The following KAZN variants were observed in gnomAD, a reference collection of about 807,000 sequenced individuals.
KAZN encodes kazrin, periplakin interacting protein.
KAZN carries 40 observed loss-of-function variants against 87.4 expected under a neutral mutation model. That is an observed-to-expected ratio of 0.46 (90% CI 0.36 to 0.60). The LOEUF (loss-of-function observed/expected upper bound fraction) is 0.60, where lower values mean the gene tolerates loss of function less well. Among genes scored for constraint, KAZN ranks in the 20% least tolerant of loss-of-function variants. The probability of loss-of-function intolerance (pLI) is 0.00; values close to 1 mark genes in which losing one functional copy is unlikely to be tolerated. For synonymous variants in KAZN, 466 were observed against 458.3 expected, an observed-to-expected ratio of 1.02 and a Z score of -0.22; for missense variants, 898 against 1,073.9, an observed-to-expected ratio of 0.84 and a Z score of 2.29.
intron 1 of KAZN, among the ~76,000 whole-genome samples, chr1:14,658,556 A>G (rs145614848): frequency 0.01 from 1,556 of 152,296 alleles, 26 homozygotes; most frequent in East Asian, 0.042. Flanking sequence ...TAACCTTTCT[A>G]CATCAAAGTC....
At chr1:14,103,461 C>T (rs1323509240) in intron 1 of KAZN, among the ~76,000 whole-genome samples, 1 of 152,194 alleles carries the variant, frequency 6.6e-6, no homozygotes, top group Non-Finnish European at 1.5e-5. Context: ...TATTATCTTA[C>T]ATTTCTGTAG....
chr1:14,434,288 T>C (rs1666252957), intron 2 of KAZN, among the ~76,000 whole-genome samples: 1 of 152,168 alleles, frequency 6.6e-6, no homozygotes, highest in Admixed American at 6.5e-5. Context: ...CTCCCTTCTC[T>C]CATGCTGCCA....
intron 1 of KAZN, among the ~76,000 whole-genome samples, chr1:13,905,345 A>G: frequency 6.6e-6 from 1 of 152,196 alleles, no homozygotes; most frequent in Non-Finnish European, 1.5e-5. Flanking sequence ...AGATGTTATT[A>G]CCGTAGGTAA....
chr1:14,935,675 T>TCCCTCTC (rs1221510843), intron 1 of KAZN, among the ~76,000 whole-genome samples: 1 of 152,054 alleles, frequency 6.6e-6, no homozygotes, highest in Non-Finnish European at 1.5e-5. Flanking sequence ...CCTCTCTCCC[T>TCCCTCTC]CCCTCTCCCC....
intron 1 of KAZN, 41 bp from the exon 2 acceptor site, chr1:14,960,643 G>A (rs1227327674): frequency 1.3e-6 from 2 of 1,538,038 alleles, no homozygotes; most frequent in South Asian, 1.2e-5. Flanking sequence ...GTGAGCGGCA[G>A]AGACGTTCCT....
intron 1 of KAZN, among the ~76,000 whole-genome samples, chr1:14,059,242 A>G (rs188240032): frequency 1.3e-5 from 2 of 152,314 alleles, no homozygotes; most frequent in East Asian, 3.9e-4. Flanking sequence ...AAGCTGGGAA[A>G]GAGAGAAGCT....
chr1:14,098,563 T>C (rs973067969), intron 1 of KAZN, among the ~76,000 whole-genome samples: 2 of 152,170 alleles, frequency 1.3e-5, no homozygotes, highest in African/African-American at 4.8e-5. Flanking sequence ...TCCATTCTTC[T>C]TATATTTCTG....
chr1:14,958,925 A>G (rs1572922182), intron 1 of KAZN, among the ~76,000 whole-genome samples: 1 of 152,262 alleles, frequency 6.6e-6, no homozygotes, highest in East Asian at 1.9e-4. Flanking sequence ...TCGTCTGTTC[A>G]TTCTCGAGGG....
chr1:14,838,677 T>G (rs749488920), intron 1 of KAZN, among the ~76,000 whole-genome samples: 5 of 152,118 alleles, frequency 3.3e-5, no homozygotes, highest in Non-Finnish European at 7.4e-5. Flanking sequence ...CTGGAGTGCA[T>G]TGGTGGGATC....
At chr1:13,950,861 C>T (rs996509655) in intron 1 of KAZN, among the ~76,000 whole-genome samples, 3 of 152,108 alleles carry the variant, frequency 2.0e-5, no homozygotes, top group Non-Finnish European at 4.4e-5. Flanking sequence ...GTTTCAGGGG[C>T]AAGGTCGTCT....
intron 2 of KAZN, among the ~76,000 whole-genome samples, chr1:14,544,310 G>C (rs1428362630): frequency 7.4e-6 from 1 of 134,300 alleles, no homozygotes; most frequent in Non-Finnish European, 1.6e-5. Flanking sequence ...TTACCACTTT[G>C]AGATTTGGGG....
At chr1:15,106,942 A>G (rs1410111385) in intron 13 of KAZN, among the ~76,000 whole-genome samples, 1 of 152,202 alleles carries the variant, frequency 6.6e-6, no homozygotes, top group Non-Finnish European at 1.5e-5. Flanking sequence ...ACCCAAAGGC[A>G]GCTGCCAGGG....
chr1:14,599,149 G>A lies in KAZN; in HGVS notation c.152G>A (p.Gly51Glu). The change falls in exon 1 of 15, where the codon GGA (glycine) becomes GAA (glutamate). Residue 51 changes from glycine (G) to glutamate (E), a missense_variant. Physicochemically the swap from Gly to Glu is moderately conservative, Grantham distance 98 (BLOSUM62 -2). Transcript: ENST00000376030. This position sits in a 1 kb window ranked among gnomAD's most constrained non-coding sequence, Gnocchi z 4.4. ...GGCGGCGGCCCCGGCCCGGGCCCGGGAGCCGCGGCCAGCGCCTCGGCGGCG... is the reference window on the plus strand; with the variant it reads ...GGCGGCGGCCCCGGCCCGGGCCCGGAAGCCGCGGCCAGCGCCTCGGCGGCG... ...SGGGGPGPGP[G>E]AAASASAAGD... is the part of the protein sequence containing the mutation. 7.0e-7 allele frequency: 1 copy of A among 1,420,852 alleles called. No individual in the cohort carries two copies. Among genetic ancestry groups the A allele is most frequent in the Non-Finnish European group, 9.2e-7 (1 of 1,092,272 alleles). 88.0% of individuals were successfully genotyped at this position (1,420,852 alleles called of 1,614,324 possible).
At chr1:14,638,067 G>A (rs1240299481) in intron 1 of KAZN, among the ~76,000 whole-genome samples, 1 of 152,100 alleles carries the variant, frequency 6.6e-6, no homozygotes, top group African/African-American at 2.4e-5. Context: ...TCTCCCCTAT[G>A]TGTCTTCGTC....
chr1:14,854,872 G>T (rs1438666939), intron 1 of KAZN, among the ~76,000 whole-genome samples: 1 of 152,156 alleles, frequency 6.6e-6, no homozygotes, highest in Non-Finnish European at 1.5e-5. Context: ...GATGGCAGAG[G>T]CATTAGTTGC....
chr1:13,944,630 A>G (rs12138230), intron 1 of KAZN, among the ~76,000 whole-genome samples: 13,006 of 152,244 alleles, frequency 0.085, 649 homozygotes, highest in Middle Eastern at 0.14. Flanking sequence ...AATGCCTTGA[A>G]TGGCCGCAAA....
chr1:15,076,432 G>A (rs1054811065), intron 8 of KAZN, among the ~76,000 whole-genome samples: 8 of 152,194 alleles, frequency 5.3e-5, no homozygotes, highest in African/African-American at 1.9e-4. Context: ...TGCCAGCTGT[G>A]CAACACCGAG....
chr1:13,934,300 T>A (rs1238538712), intron 1 of KAZN, among the ~76,000 whole-genome samples: 1 of 151,718 alleles, frequency 6.6e-6, no homozygotes, highest in African/African-American at 2.4e-5. Flanking sequence ...GCACTGGGGG[T>A]GTGTGAAGAG....
chr1:14,488,834 C>T (rs568473019), intron 2 of KAZN, among the ~76,000 whole-genome samples: 5 of 152,182 alleles, frequency 3.3e-5, no homozygotes, highest in Admixed American at 6.5e-5. Flanking sequence ...CCCTTGGCCC[C>T]GTGCGCCATG....
Sources: allele counts gnomAD v4.1 joint callset (sites outside exome capture counted in the v4.1 genomes callset), GRCh38; gene constraint gnomAD v4.1.1; non-coding constraint Gnocchi (gnomAD v3.1); transcripts MANE v1.5; gene names NCBI Gene and HGNC (gene_info 2026-07-23, HGNC 2026-07-21).